The following PLAGL1 variants were observed in gnomAD, a reference collection of about 807,000 sequenced individuals.
The protein encoded by PLAGL1 is zinc finger protein PLAGL1.
In PLAGL1, 1 loss-of-function variant was observed where a neutral mutation model predicts 4.6. The observed-to-expected ratio is 0.22, with a 90% CI of 0.08 to 1.03. The LOEUF (loss-of-function observed/expected upper bound fraction) is 1.03, where lower values mean the gene tolerates loss of function less well. Among genes scored for constraint, PLAGL1 ranks in the 50% least tolerant of loss-of-function variants. PLAGL1 has a pLI of 0.58. For missense variants in PLAGL1, 464 were observed against 570.4 expected (o/e 0.81, Z 1.90); for synonymous variants, 240 against 237.8 (o/e 1.01, Z -0.08).
At position 143,970,093 on chromosome 6, in the gene PLAGL1, A is replaced by C. The variant is rs1296655563; in HGVS notation, c.-543-1115T>G. On this transcript the variant is annotated intron_variant, in intron 2 of 7. Transcript: ENST00000674357. This position sits in a 1 kb window ranked among gnomAD's most constrained non-coding sequence, Gnocchi z 5.8. The stretch of plus-strand genomic sequence containing the variant: ...ATTAGCAGTGCAATCCAATTGGATG[A>C]ATACTTGAGCACCAACCCTAAGTAA... Among the ~76,000 whole-genome samples, 2 of 152,244 alleles carry C rather than the reference A, an allele frequency of 1.3e-5. No individual in the cohort carries two copies. The highest frequency in any genetic ancestry group is 4.8e-5 in the African/African-American group (2 of 41,468).
At chr6:144,007,921 G>C (rs927015284) in intron 1 of PLAGL1, 169 bp downstream of exon 1, 2 of 152,080 alleles carry the variant, frequency 1.3e-5, no homozygotes, top group Non-Finnish European at 2.9e-5. Flanking sequence ...GTGACGATCT[G>C]CGGGGTCCCG....
Position 144,055,194 on chromosome 6 carries a change from GATAT to G in PLAGL1, c.-151+9270_-151+9273del. ...ATATCCACAGATATTCATATCCACA[GATAT>G]TCATGAAAACACACTTACCCAGAAA... On this transcript the variant is annotated intron_variant, in intron 1 of 3. Coordinates refer to the PLAGL1 transcript ENST00000437412. This position sits in a 1 kb window ranked among gnomAD's most constrained non-coding sequence, Gnocchi z 5.0. 7.0e-6 allele frequency among the ~76,000 whole-genome samples: 1 copy of G among 143,474 alleles called. No homozygotes were observed. The highest frequency in any genetic ancestry group is 1.6e-5 in the Non-Finnish European group (1 of 63,616). 94.1% of individuals were successfully genotyped at this position (143,474 alleles called of 152,430 possible). A position where few individuals can be genotyped will look rare whatever the true frequency, so the allele number is the denominator to read the frequency against.
intron 1 of PLAGL1, among the ~76,000 whole-genome samples, chr6:144,020,812 T>G (rs1042512204): frequency 6.9e-6 from 1 of 145,218 alleles, no homozygotes; most frequent in Non-Finnish European, 1.5e-5. Context: ...CTATATATAT[T>G]TATATATTAT....
At chr6:144,017,008 C>G (rs1293607376) in intron 1 of PLAGL1, among the ~76,000 whole-genome samples, 1 of 152,044 alleles carries the variant, frequency 6.6e-6, no homozygotes, top group Non-Finnish European at 1.5e-5. Flanking sequence ...ATCCAGTGTT[C>G]TTTTATAATA....
rs550785528 is a variant in PLAGL1, at chr6:143,955,225, A to T, written c.-325+5244T>A. Among the ~76,000 whole-genome samples the T allele has an allele frequency of 6.6e-6, 1 of 152,330 alleles. No individual in the cohort carries two copies. The highest frequency in any genetic ancestry group is 2.4e-5 in the African/African-American group (1 of 41,582). On this transcript the variant is annotated intron_variant, in intron 6 of 7. Coordinates refer to ENST00000674357, the MANE Select transcript of PLAGL1 (RefSeq NM_001317162.2). The surrounding 1 kb of genome is among the most constrained non-coding windows in gnomAD (Gnocchi z 4.9). ...AAGTAAAAGTTGAAGCTAGCGTAGA[A>T]GTTTACAACGTGTTCAAGAGGGAGG...
At chr6:143,969,493 A>G (rs1785020891) in intron 2 of PLAGL1, among the ~76,000 whole-genome samples, 1 of 151,998 alleles carries the variant, frequency 6.6e-6, no homozygotes. Flanking sequence ...AGAAATTACA[A>G]AATACTCATG....
rs2064494 is a variant in PLAGL1, at chr6:143,948,796, A to G, written c.-324-336T>C. Among the ~76,000 whole-genome samples the G allele has an allele frequency of 0.42, 62,996 of 151,346 alleles. 13,482 individuals carry two copies. Among genetic ancestry groups the G allele is most frequent in the Non-Finnish European group, 0.47 (32,050 of 67,768 alleles). ...AACAACAACAACAACAACAACAAACAAAAACCTCCCTCCCTCAGTGTGTTC... is the reference window on the plus strand; with the variant it reads ...AACAACAACAACAACAACAACAAACGAAAACCTCCCTCCCTCAGTGTGTTC... On this transcript the variant is annotated intron_variant, in intron 6 of 7. Coordinates refer to ENST00000674357, the MANE Select transcript of PLAGL1 (RefSeq NM_001317162.2). This position sits in a 1 kb window ranked among gnomAD's most constrained non-coding sequence, Gnocchi z 6.0.
At position 144,027,223 on chromosome 6, in the gene PLAGL1, C is replaced by CAAAGAACGAAAG. The variant is rs1796402527; in HGVS notation, c.-151+37244_-151+37245insCTTTCGTTCTTT. Among the ~76,000 whole-genome samples the CAAAGAACGAAAG allele has an allele frequency of 1.0e-5, 1 of 96,702 alleles. No individual in the cohort carries two copies. The highest frequency in any genetic ancestry group is 2.9e-4 in the South Asian group (1 of 3,500). 63.4% of individuals were successfully genotyped at this position (96,702 alleles called of 152,430 possible). On this transcript the variant is annotated intron_variant, in intron 1 of 3. Transcript: ENST00000437412. The surrounding 1 kb of genome is among the most constrained non-coding windows in gnomAD (Gnocchi z 5.8). ...TGGGTGACAGAGAAAGACCCCAACT[C>CAAAGAACGAAAG]AAAGAACGAACGAAAGAAAGAAAGA...
rs1272084854 is a variant in PLAGL1, at chr6:144,013,454, T to G, written c.-150-44476A>C. ...ATGACAACTAGGAATGGAATGGAAC[T>G]TCCTTAGCCAGATAGTGGCTATATT... On this transcript the variant is annotated intron_variant, in intron 1 of 3. Transcript: ENST00000437412. The surrounding 1 kb of genome is among the most constrained non-coding windows in gnomAD (Gnocchi z 4.4). Among the ~76,000 whole-genome samples, 1 of 152,196 alleles carries G rather than the reference T, an allele frequency of 6.6e-6. No individual in the cohort carries two copies. The highest frequency in any genetic ancestry group is 2.4e-5 in the African/African-American group (1 of 41,454).
rs1783791179 is a variant in PLAGL1, at chr6:143,963,431, G to A, written c.-399+1356C>T. Among the ~76,000 whole-genome samples, 1 of 152,168 alleles carries A rather than the reference G, an allele frequency of 6.6e-6. No individual in the cohort carries two copies. On this transcript the variant is annotated intron_variant, in intron 5 of 7. Transcript: ENST00000674357. The surrounding 1 kb of genome is among the most constrained non-coding windows in gnomAD (Gnocchi z 6.1). The stretch of plus-strand genomic sequence containing the variant: ...ACTGCCTGTTCTAGCTAATGGCACC[G>A]CTATGCAATAGCCATCAGAGCTCCC...
intron 1 of PLAGL1, among the ~76,000 whole-genome samples, chr6:144,044,147 T>C (rs930238723): frequency 6.6e-6 from 1 of 152,200 alleles, no homozygotes; most frequent in Non-Finnish European, 1.5e-5. Flanking sequence ...TCATTGATTT[T>C]TTTGAAGGGT....
At position 143,989,250 on chromosome 6, in the gene PLAGL1, G is replaced by T. The variant is rs73592617; in HGVS notation, c.-583-4076C>A. Among the ~76,000 whole-genome samples the T allele has an allele frequency of 4.1e-3, 625 of 152,312 alleles. 5 individuals are homozygous for T. The highest frequency in any genetic ancestry group is 0.014 in the African/African-American group (576 of 41,566). Reference sequence around the variant, plus strand: ...AGAAATGCAGGGAGGACTCAGAGATGAGTTCTCATCCCTGGAGAGTGTGAT... The same window carrying T: ...AGAAATGCAGGGAGGACTCAGAGATTAGTTCTCATCCCTGGAGAGTGTGAT... On this transcript the variant is annotated intron_variant, in intron 1 of 7. Transcript: ENST00000674357. The surrounding 1 kb of genome is among the most constrained non-coding windows in gnomAD (Gnocchi z 4.8).
intron 1 of PLAGL1, among the ~76,000 whole-genome samples, chr6:144,020,270 C>G (rs1330949741): frequency 3.3e-5 from 5 of 150,880 alleles, no homozygotes; most frequent in Non-Finnish European, 7.4e-5. Context: ...TCTATGGACA[C>G]TTCCTTGTTT....
chr6:143,998,492 ATACT>A (rs971915946), intron 1 of PLAGL1, among the ~76,000 whole-genome samples: 1 of 152,214 alleles, frequency 6.6e-6, no homozygotes, highest in African/African-American at 2.4e-5. Context: ...AGAGATAATA[ATACT>A]TACTTTGCAA....
intron 1 of PLAGL1, among the ~76,000 whole-genome samples, chr6:144,060,067 A>T (rs1414226620): frequency 3.3e-5 from 5 of 150,294 alleles, no homozygotes; most frequent in East Asian, 3.9e-4. Flanking sequence ...TTTTTTTTTT[A>T]AATAGGGTCT....
rs373313880 is a variant in PLAGL1, at chr6:144,032,913, G to A, written c.-151+31555C>T. On this transcript the variant is annotated intron_variant, in intron 1 of 3. Coordinates refer to the PLAGL1 transcript ENST00000437412. ...GGCAATTACTAAGTAAACCCTGAGA[G>A]GTAAGAGATTAAGAGGGACACTATA... is the stretch of plus-strand genomic sequence containing the variant. Among the ~76,000 whole-genome samples the A allele has an allele frequency of 7.2e-5, 11 of 152,248 alleles. No individual in the cohort carries two copies. In the South Asian group the frequency reaches 1.9e-3, roughly 26 times the overall value.
chr6:144,038,409 C>T (rs1797437474), intron 1 of PLAGL1, among the ~76,000 whole-genome samples: 1 of 152,110 alleles, frequency 6.6e-6, no homozygotes, highest in South Asian at 2.1e-4. Flanking sequence ...GTTAAGGGGC[C>T]ATCCTCCCTA....
At chr6:143,976,281 TTTTC>T (rs1168050077) in intron 2 of PLAGL1, among the ~76,000 whole-genome samples, 6 of 104,128 alleles carry the variant, frequency 5.8e-5, no homozygotes, top group African/African-American at 1.7e-4. Context: ...CTGAGATTTC[TTTTC>T]TTTTTTTTTT....
At chr6:143,999,250 T>C (rs1031349302) in intron 1 of PLAGL1, among the ~76,000 whole-genome samples, 6 of 152,134 alleles carry the variant, frequency 3.9e-5, no homozygotes, top group African/African-American at 7.2e-5. Flanking sequence ...ATGATATAAA[T>C]AGGCCTGCCT....
Sources: gnomAD v4.1 joint callset for allele counts (sites outside exome capture counted in the v4.1 genomes callset) on GRCh38, gnomAD v4.1.1 for gene constraint, Gnocchi (gnomAD v3.1) non-coding constraint, MANE v1.5 for transcripts, NCBI Gene and HGNC (gene_info 2026-07-23, HGNC 2026-07-21) for gene names.